PLPPR5: variants seen among roughly 807,000 people sequenced by gnomAD.
The protein encoded by PLPPR5 is phospholipid phosphatase-related protein type 5.
A neutral mutation model predicts 33.9 loss-of-function variants in PLPPR5; 16 were observed. That is an observed-to-expected ratio of 0.47 (90% confidence interval 0.32 to 0.72). PLPPR5 has a LOEUF of 0.72. Among genes scored for constraint, PLPPR5 ranks in the 30% least tolerant of loss-of-function variants. PLPPR5 has a pLI of 0.03. For synonymous variants in PLPPR5, 163 were observed against 150.3 expected (o/e 1.08, Z -0.62); for missense variants, 301 against 406.7 (o/e 0.74, Z 2.23).
At chr1:98,973,203 A>C (rs1384517864) in intron 1 of PLPPR5, among the ~76,000 whole-genome samples, 1 of 152,126 alleles carries the variant, frequency 6.6e-6, no homozygotes, top group Non-Finnish European at 1.5e-5. Flanking sequence ...AAAGCAATTT[A>C]ATCGTTACAA....
intron 1 of PLPPR5, among the ~76,000 whole-genome samples, chr1:98,992,131 T>A (rs1652473094): frequency 6.6e-6 from 1 of 152,176 alleles, no homozygotes; most frequent in Admixed American, 6.6e-5. Context: ...GTATTGGAGC[T>A]GTCTAAATTA....
intron 1 of PLPPR5, among the ~76,000 whole-genome samples, chr1:98,966,730 C>G (rs899456552): frequency 2.6e-5 from 4 of 152,110 alleles, no homozygotes; most frequent in African/African-American, 9.7e-5. Context: ...CTTTAGGAGA[C>G]CCCTGTTAAA....
intron 1 of PLPPR5, among the ~76,000 whole-genome samples, chr1:99,002,749 T>C (rs1273990682): frequency 1.3e-5 from 2 of 152,080 alleles, no homozygotes; most frequent in Non-Finnish European, 2.9e-5. Flanking sequence ...TGCTATCTTA[T>C]TTAAATAAGA....
At chr1:98,993,326 C>T (rs530681302) in intron 1 of PLPPR5, among the ~76,000 whole-genome samples, 1 of 152,094 alleles carries the variant, frequency 6.6e-6, no homozygotes, top group East Asian at 1.9e-4. Context: ...ACAGAAAGAG[C>T]CTGATAGTGT....
intron 3 of PLPPR5, among the ~76,000 whole-genome samples, chr1:98,929,525 G>A (rs1649891223): frequency 6.6e-6 from 1 of 152,168 alleles, no homozygotes; most frequent in Admixed American, 6.5e-5. Context: ...AAACACTAAG[G>A]AGTCACAAAT....
intron 3 of PLPPR5, among the ~76,000 whole-genome samples, chr1:98,951,372 TAAAGA>T (rs1650778374): frequency 6.6e-6 from 1 of 152,086 alleles, no homozygotes; most frequent in African/African-American, 2.4e-5. Context: ...GCTGATGGGC[TAAAGA>T]AAACAGGGGA....
chr1:98,949,988 C>T (rs569297335), intron 3 of PLPPR5, among the ~76,000 whole-genome samples: 2 of 152,316 alleles, frequency 1.3e-5, no homozygotes, highest in Admixed American at 1.3e-4. Flanking sequence ...AGGGATTTTG[C>T]TCTAAATGAA....
intron 3 of PLPPR5, among the ~76,000 whole-genome samples, chr1:98,934,205 C>T (rs1557674863): frequency 2.0e-5 from 3 of 152,052 alleles, no homozygotes. Context: ...TTTCTGGGAA[C>T]TGGAGCTTGG....
chr1:98,926,875 G>A (rs558316429), intron 3 of PLPPR5, among the ~76,000 whole-genome samples: 2 of 152,296 alleles, frequency 1.3e-5, no homozygotes, highest in South Asian at 2.1e-4. Flanking sequence ...CGTTTGTTAA[G>A]CCAACCGTGT....
chr1:98,975,893 G>A (rs947216040), intron 1 of PLPPR5, among the ~76,000 whole-genome samples: 6 of 151,942 alleles, frequency 3.9e-5, no homozygotes, highest in African/African-American at 7.2e-5. Flanking sequence ...ATGTGAGATC[G>A]TTGAGGACTT....
intron 5 of PLPPR5, among the ~76,000 whole-genome samples, chr1:98,904,884 A>G (rs1648839605): frequency 6.6e-6 from 1 of 152,060 alleles, no homozygotes; most frequent in Admixed American, 6.6e-5. Flanking sequence ...TCTTAGTGAC[A>G]CTCTGGCTGG....
At chr1:98,975,086 T>A (rs1353804803) in intron 1 of PLPPR5, among the ~76,000 whole-genome samples, 1 of 152,062 alleles carries the variant, frequency 6.6e-6, no homozygotes, top group Non-Finnish European at 1.5e-5. Flanking sequence ...CAGCCTCTTT[T>A]GTAACTATTC....
rs558033807 is a variant in PLPPR5, at chr1:98,918,066, G to A, written c.799-3146C>T. 2.0e-5 allele frequency among the ~76,000 whole-genome samples: 3 copies of A among 152,208 alleles called. No individual in the cohort carries two copies. The South Asian group carries it at 6.2e-4, about 32-fold the overall frequency. ...AAGATGATATGAGTAAATCATCACTGCATATATATTTTCTTTTTCCTGTCA... is the reference window on the plus strand; with the variant it reads ...AAGATGATATGAGTAAATCATCACTACATATATATTTTCTTTTTCCTGTCA... On this transcript the variant is annotated intron_variant, in intron 4 of 5. Transcript: ENST00000263177.
At chr1:98,933,373 C>T (rs1650055096) in intron 3 of PLPPR5, among the ~76,000 whole-genome samples, 1 of 151,074 alleles carries the variant, frequency 6.6e-6, no homozygotes, top group African/African-American at 2.4e-5. Context: ...GTCCCAGCTA[C>T]TCAGGAGGCT....
chr1:98,996,906 T>C (rs1652652498), intron 1 of PLPPR5, among the ~76,000 whole-genome samples: 1 of 152,202 alleles, frequency 6.6e-6, no homozygotes, highest in Non-Finnish European at 1.5e-5. Context: ...ATTTATGCTA[T>C]AAATCAAATC....
intron 1 of PLPPR5, among the ~76,000 whole-genome samples, chr1:98,963,162 G>T (rs2101231989): frequency 6.6e-6 from 1 of 152,196 alleles, no homozygotes; most frequent in Non-Finnish European, 1.5e-5. Flanking sequence ...TTTATGCTTG[G>T]TCCATGGCTT....
At position 98,892,934 on chromosome 1, in the gene PLPPR5, T is replaced by C. The variant is rs1570673600; in HGVS notation, c.*138A>G. 2.4e-6 allele frequency: 2 copies of C among 842,858 alleles called. No homozygotes were observed. The highest frequency in any genetic ancestry group is 2.7e-5 in the Admixed American group (1 of 36,788). The allele number at this position is 842,858 out of a possible 1,614,324, so 52.2% of individuals were successfully genotyped here. A position where few individuals can be genotyped will look rare whatever the true frequency, so the allele number is the denominator to read the frequency against. On this transcript the variant is annotated 3_prime_UTR_variant, in exon 6 of 6. Transcript: ENST00000263177. ...CAGTCTAGTGGGGGAAACAGATAGGTTGACATTGATTTTAAAATTATAAAA... is the reference window on the plus strand; with the variant it reads ...CAGTCTAGTGGGGGAAACAGATAGGCTGACATTGATTTTAAAATTATAAAA...
chr1:98,966,143 A>G (rs1370018730), intron 1 of PLPPR5, among the ~76,000 whole-genome samples: 1 of 152,206 alleles, frequency 6.6e-6, no homozygotes, highest in Non-Finnish European at 1.5e-5. Context: ...AGAATTTTTA[A>G]AACAATGTAG....
chr1:98,945,403 A>G (rs1329464), intron 3 of PLPPR5, among the ~76,000 whole-genome samples: 17,874 of 152,200 alleles, frequency 0.12, 1,152 homozygotes, highest in East Asian at 0.22. Flanking sequence ...AAATCAACTA[A>G]CAAGTTTCCT....
Sources: gnomAD v4.1 joint callset for allele counts (sites outside exome capture counted in the v4.1 genomes callset) on GRCh38, gnomAD v4.1.1 for gene constraint, MANE v1.5 for transcripts, NCBI Gene and HGNC (gene_info 2026-07-23, HGNC 2026-07-21) for gene names.